Variants in CRTC1 observed in about 807,000 individuals in gnomAD.
CRTC1 encodes the protein CREB regulated transcription coactivator 1, also known as CREB-regulated transcription coactivator 1.
CRTC1 carries 18 observed loss-of-function variants against 66.1 expected under a neutral mutation model. The ratio of observed to expected loss-of-function variants is 0.27; its 90% CI spans 0.19 to 0.40. The LOEUF (loss-of-function observed/expected upper bound fraction) is 0.40, where lower values mean the gene tolerates loss of function less well. Among genes scored for constraint, CRTC1 ranks in the 10% least tolerant of loss-of-function variants. The pLI, the probability that CRTC1 is intolerant of heterozygous loss-of-function variation, is 1.00. For missense variants in CRTC1, 669 were observed against 887.9 expected, an observed-to-expected ratio of 0.75 and a Z score of 3.13; for synonymous variants, 416 against 398.8, an observed-to-expected ratio of 1.04 and a Z score of -0.51.
Position 18,747,133 on chromosome 19 carries a change from C to CT in CRTC1, c.443+19_443+20insT, listed in dbSNP as rs764846787. 3.1e-5 allele frequency: 25 copies of CT among 815,112 alleles called. 1 individual carries two copies. The highest frequency in any genetic ancestry group is 4.2e-5 in the Non-Finnish European group (22 of 518,464). 50.5% of individuals were successfully genotyped at this position (815,112 alleles called of 1,614,324 possible). A position where few individuals can be genotyped will look rare whatever the true frequency, so the allele number is the denominator to read the frequency against. ...GGAGAAGGTCAGTGGCTGGACACCCCCCCCCCGCCCCCTTCTTGTTGGAAA... is the reference window on the plus strand; with the variant it reads ...GGAGAAGGTCAGTGGCTGGACACCCCTCCCCCCGCCCCCTTCTTGTTGGAAA... On this transcript the variant is annotated intron_variant, in intron 4 of 13. Transcript: ENST00000321949.
chr19:18,716,283 T>G (rs2145605282), intron 1 of CRTC1, among the ~76,000 whole-genome samples: 2 of 151,970 alleles, frequency 1.3e-5, no homozygotes, highest in African/African-American at 4.8e-5. Flanking sequence ...GACGCAATCT[T>G]GCTCTGTCAC....
rs187698995 is a variant in CRTC1, at chr19:18,779,643, C to T, written c.*2261C>T. On this transcript the variant is annotated 3_prime_UTR_variant, in exon 14 of 14. Coordinates refer to ENST00000321949, the MANE Select transcript of CRTC1 (RefSeq NM_015321.3). The stretch of plus-strand genomic sequence containing the variant: ...CATACCCCATCCGTCCAACCTCCGG[C>T]GGGCGCCACTGCTTGTCCTCTGGTC... 1.4e-4 allele frequency: 32 copies of T among 223,436 alleles called. No individual in the cohort carries two copies. The highest frequency in any genetic ancestry group is 2.3e-4 in the Admixed American group (4 of 17,438). The allele number at this position is 223,436 out of a possible 1,614,324, so 13.8% of individuals were successfully genotyped here.
At chr19:18,740,192 G>A (rs1313831225) in intron 1 of CRTC1, among the ~76,000 whole-genome samples, 1 of 151,942 alleles carries the variant, frequency 6.6e-6, no homozygotes, top group East Asian at 1.9e-4. Flanking sequence ...AGTGGAGGTT[G>A]CAGTAAGCCG....
chr19:18,686,639 T>C (rs542297580), intron 1 of CRTC1, among the ~76,000 whole-genome samples: 30 of 152,278 alleles, frequency 2.0e-4, no homozygotes, highest in Admixed American at 9.2e-4. Flanking sequence ...AGAGTGAGAC[T>C]CCATCTCAAA....
chr19:18,778,096 C>G lies in CRTC1; in HGVS notation c.*714C>G, dbSNP rs2145880012. 1 of 233,124 alleles carries G rather than the reference C, an allele frequency of 4.3e-6. No individual in the cohort carries two copies. Among genetic ancestry groups the G allele is most frequent in the Non-Finnish European group, 8.5e-6 (1 of 117,958 alleles). 14.4% of individuals were successfully genotyped at this position (233,124 alleles called of 1,614,324 possible). Reference sequence around the variant, plus strand: ...CCTCGAAGCCCTGCCTCACCGCAGGCAGGCCCATCGGTGGCCACCTTTGCC... The same window carrying G: ...CCTCGAAGCCCTGCCTCACCGCAGGGAGGCCCATCGGTGGCCACCTTTGCC... On this transcript the variant is annotated 3_prime_UTR_variant, in exon 14 of 14. Coordinates refer to ENST00000321949, the MANE Select transcript of CRTC1 (RefSeq NM_015321.3).
At chr19:18,692,076 C>T (rs1400333711) in intron 1 of CRTC1, among the ~76,000 whole-genome samples, 3 of 152,118 alleles carry the variant, frequency 2.0e-5, no homozygotes, top group South Asian at 2.1e-4. Flanking sequence ...ACTCCAACCC[C>T]GACCCTGTGG....
intron 10 of CRTC1, among the ~76,000 whole-genome samples, chr19:18,770,305 A>G (rs1488333060): frequency 6.6e-6 from 1 of 152,222 alleles, no homozygotes; most frequent in Admixed American, 6.5e-5. Context: ...GAGCAGGTGG[A>G]GGAAGTGACT....
At position 18,745,900 on chromosome 19, in the gene CRTC1, G is replaced by T; in HGVS notation, c.321G>T (p.Glu107Asp). The change falls in exon 3 of 14, where the codon GAG (glutamate) becomes GAT (aspartate). Residue 107 changes from glutamate to aspartate, a missense_variant. By Grantham distance (45) the Glu-to-Asp change is conservative (BLOSUM62 2). Transcript: ENST00000321949. ...HHGLVDRVYR[E>D]RGRLGSPHRR... The stretch of plus-strand genomic sequence containing the variant: ...GGCTGGTGGACAGGGTGTACCGGGA[G>T]CGTGGCCGGCTCGGCTCCCCACACC... 6.2e-7 allele frequency: 1 copy of T among 1,613,364 alleles called. No homozygotes were observed. The highest frequency in any genetic ancestry group is 1.7e-5 in the Admixed American group (1 of 60,012).
intron 1 of CRTC1, among the ~76,000 whole-genome samples, chr19:18,713,193 C>T (rs1032147571): frequency 1.3e-5 from 2 of 152,236 alleles, no homozygotes; most frequent in Non-Finnish European, 2.9e-5. Context: ...TCATTCCTTT[C>T]CATGGCTGAA....
chr19:18,693,466 G>A (rs1193357272), intron 1 of CRTC1, among the ~76,000 whole-genome samples: 2 of 150,384 alleles, frequency 1.3e-5, no homozygotes, highest in African/African-American at 4.9e-5. Flanking sequence ...TTACCAAGGA[G>A]CTTAACTCTT....
At chr19:18,710,746 G>A (rs925695477) in intron 1 of CRTC1, among the ~76,000 whole-genome samples, 1 of 151,992 alleles carries the variant, frequency 6.6e-6, no homozygotes, top group African/African-American at 2.4e-5. Context: ...CCAGTAGCTG[G>A]GATTACAGGC....
chr19:18,683,914 G>GGGGGGGCGCGGCGGGGGC (rs2052622087), intron 1 of CRTC1, 86 bp downstream of exon 1: 1 of 152,542 alleles, frequency 6.6e-6, no homozygotes, highest in African/African-American at 2.6e-5. Context: ...GGCGGGGTGG[G>GGGGGGGCGCGGCGGGGGC]GGGGGGCGCG....
chr19:18,765,621 AGGCC>A, intron 9 of CRTC1, 93 bp downstream of exon 9: 23 of 1,274,888 alleles, frequency 1.8e-5, no homozygotes, highest in Non-Finnish European at 2.3e-5. Context: ...TCCTTCCAGG[AGGCC>A]ACAAAACCTT....
At chr19:18,761,121 T>C (rs1284545172) in intron 8 of CRTC1, among the ~76,000 whole-genome samples, 3 of 152,182 alleles carry the variant, frequency 2.0e-5, no homozygotes, top group Non-Finnish European at 2.9e-5. Flanking sequence ...TCCAGGAGGC[T>C]GCAGGCCTCC....
In CRTC1 at chr19:18,755,591, G is replaced by A. The variant is rs2054465394; in HGVS notation, c.624+2006G>A. Among the ~76,000 whole-genome samples, 4 of 139,598 alleles carry A rather than the reference G, an allele frequency of 2.9e-5. No individual in the cohort carries two copies. In the South Asian group the frequency reaches 9.2e-4, roughly 32 times the overall value. The allele number at this position is 139,598 out of a possible 152,430, so 91.6% of individuals were successfully genotyped here. A position where few individuals can be genotyped will look rare whatever the true frequency, so the allele number is the denominator to read the frequency against. ...ACTATAGGAGCGTGCCACCAAACCT[G>A]GCTTTTTTTTTTTTTTTTTTTTTTT... On this transcript the variant is annotated intron_variant, in intron 6 of 13. Coordinates refer to ENST00000321949, the MANE Select transcript of CRTC1 (RefSeq NM_015321.3).
At chr19:18,769,556 G>A (rs1032477010) in intron 10 of CRTC1, among the ~76,000 whole-genome samples, 11 of 152,202 alleles carry the variant, frequency 7.2e-5, no homozygotes, top group African/African-American at 2.7e-4. Flanking sequence ...GTGAGCCTGT[G>A]GGTAGACACC....
At chr19:18,762,426 CT>C (rs1230394618) in intron 8 of CRTC1, among the ~76,000 whole-genome samples, 1 of 152,252 alleles carries the variant, frequency 6.6e-6, no homozygotes, top group African/African-American at 2.4e-5. Context: ...CTGCCGGCCC[CT>C]GGCACACACG....
intron 1 of CRTC1, among the ~76,000 whole-genome samples, chr19:18,718,127 G>C (rs1190054237): frequency 6.6e-6 from 1 of 151,934 alleles, no homozygotes; most frequent in African/African-American, 2.4e-5. Context: ...ATCCAAAGGA[G>C]ACCTTGTCCC....
chr19:18,771,566 C>T lies in CRTC1; in HGVS notation c.1425+20C>T, dbSNP rs747716237. On this transcript the variant is annotated intron_variant, in intron 11 of 13. Coordinates refer to ENST00000321949, the MANE Select transcript of CRTC1 (RefSeq NM_015321.3). The surrounding 1 kb of genome is among the most constrained non-coding windows in gnomAD (Gnocchi z 4.6). ...CCGCAAGTAAGGGGCGCCGCCTCCC[C>T]CTTGGCCTGTGGGCTCCACGCTTGT... 1 of 1,589,764 alleles carries T rather than the reference C, an allele frequency of 6.3e-7. No individual in the cohort carries two copies. The highest frequency in any genetic ancestry group is 8.6e-7 in the Non-Finnish European group (1 of 1,162,330).
Sources: allele counts gnomAD v4.1 joint callset (sites outside exome capture counted in the v4.1 genomes callset), GRCh38; gene constraint gnomAD v4.1.1; non-coding constraint Gnocchi (gnomAD v3.1); transcripts MANE v1.5; gene names NCBI Gene and HGNC (gene_info 2026-07-23, HGNC 2026-07-21).